The following NUP188 variants were observed in gnomAD, a reference collection of about 807,000 sequenced individuals.
The protein encoded by NUP188 is nucleoporin 188, also known as nucleoporin NUP188.
NUP188 carries 97 observed loss-of-function variants against 223.0 expected under a neutral mutation model. The observed-to-expected ratio is 0.43, with a 90% CI of 0.37 to 0.51. The LOEUF (loss-of-function observed/expected upper bound fraction) is 0.51. NUP188 is among the 20% of genes least tolerant of loss of function. NUP188 has a pLI of 0.00. For synonymous variants in NUP188, 869 were observed against 828.0 expected, an observed-to-expected ratio of 1.05 and a Z score of -0.85; for missense variants, 1,947 against 2,175.6, an observed-to-expected ratio of 0.89 and a Z score of 2.09.
chr9:128,999,859 T>G (rs758840939), intron 34 of NUP188, 54 bp downstream of exon 34: 30 of 1,537,316 alleles, frequency 2.0e-5, no homozygotes, highest in Non-Finnish European at 2.6e-5. Context: ...GCCAGCTCTG[T>G]GCCTGACTCT....
intron 3 of NUP188, among the ~76,000 whole-genome samples, chr9:128,953,986 C>T (rs7855915): frequency 0.3 from 45,611 of 151,716 alleles, 8,091 homozygotes; most frequent in Admixed American, 0.39. Flanking sequence ...CCCGCCACCA[C>T]GCCCAGCTAA....
rs1842058761 is a variant in NUP188, at chr9:128,968,264, T to C, written c.586-242T>C. Among the ~76,000 whole-genome samples the C allele has an allele frequency of 2.0e-5, 3 of 150,878 alleles. No homozygotes were observed. The South Asian group carries it at 6.2e-4, about 31-fold the overall frequency. On this transcript the variant is annotated intron_variant, in intron 8 of 43. Transcript: ENST00000372577. Reference sequence around the variant, plus strand: ...TGTCTCTTAAAAAAAAAGCAAAAAATCTGTCTCTTAAAAAAAAAAATTAAA... The same window carrying C: ...TGTCTCTTAAAAAAAAAGCAAAAAACCTGTCTCTTAAAAAAAAAAATTAAA...
intron 3 of NUP188, among the ~76,000 whole-genome samples, chr9:128,953,270 A>G (rs1224468567): frequency 2.6e-5 from 4 of 152,194 alleles, no homozygotes; most frequent in African/African-American, 9.6e-5. Context: ...AATCCCCACA[A>G]CACCCCTTTG....
chr9:128,983,113 C>T, intron 17 of NUP188, 85 bp downstream of exon 17: 2 of 1,559,728 alleles, frequency 1.3e-6, no homozygotes, highest in Non-Finnish European at 1.8e-6. Flanking sequence ...GGACACATAC[C>T]CACTGGGTTA....
Position 128,970,880 on chromosome 9 carries a change from A to G in NUP188, c.1035A>G (p.Ile345Met). ...PEETSSVVRK[I>M]GGTAIQLNVF... ...AGACAAGCAGTGTGGTCCGGAAGAT[A>G]GGTGGCACAGCCATCCAGCTGAATG... Residue 345 changes from isoleucine to methionine, a missense_variant, in exon 11 of 44, where the codon ATA becomes ATG. By Grantham distance (10) the Ile-to-Met change is conservative. This residue lies in a region of NUP188 where 817 missense variants were observed against 865.8 expected (regional missense o/e 0.94). Coordinates refer to ENST00000372577, the MANE Select transcript of NUP188 (RefSeq NM_015354.3). 6.2e-7 allele frequency: 1 copy of G among 1,614,170 alleles called. No homozygotes were observed. The highest frequency in any genetic ancestry group is 8.5e-7 in the Non-Finnish European group (1 of 1,180,032).
At chr9:128,980,423 C>G (rs1842238637) in intron 13 of NUP188, among the ~76,000 whole-genome samples, 183 bp from the exon 14 acceptor site, 1 of 152,080 alleles carries the variant, frequency 6.6e-6, no homozygotes, top group African/African-American at 2.4e-5. Context: ...AGGTCCCTCA[C>G]TAAATCAATT....
Position 128,983,457 on chromosome 9 carries a change from T to G in NUP188, c.1885-17T>G. On this transcript the variant is annotated splice_polypyrimidine_tract_variant and intron_variant, in intron 18 of 43. Transcript: ENST00000372577. Reference sequence around the variant, plus strand: ...CTGAAGATATGTGGGCATTTAACTCTTCCTTTTCCTTCTCAGGTCTGGACT... The same window carrying G: ...CTGAAGATATGTGGGCATTTAACTCGTCCTTTTCCTTCTCAGGTCTGGACT... 10 of 1,613,790 alleles carry G rather than the reference T, an allele frequency of 6.2e-6. No homozygotes were observed. Among genetic ancestry groups the G allele is most frequent in the Non-Finnish European group, 8.5e-6 (10 of 1,179,706 alleles).
In NUP188 at chr9:128,988,193, A is replaced by G. The variant is rs1200550360; in HGVS notation, c.2533+7A>G. 4 of 1,613,746 alleles carry G rather than the reference A, an allele frequency of 2.5e-6. No individual in the cohort carries two copies. The highest frequency in any genetic ancestry group is 1.1e-5 in the South Asian group (1 of 91,044). On this transcript the variant is annotated splice_region_variant and intron_variant, in intron 24 of 43. Transcript: ENST00000372577. ...CAGGCTCTCTCACAACATGGTATGTATTTCTCTTCCAGTCACAACATGGTA... is the reference window on the plus strand; with the variant it reads ...CAGGCTCTCTCACAACATGGTATGTGTTTCTCTTCCAGTCACAACATGGTA...
intron 2 of NUP188, among the ~76,000 whole-genome samples, chr9:128,950,527 CT>C (rs200779506): frequency 2.6e-5 from 4 of 151,712 alleles, no homozygotes; most frequent in Admixed American, 6.6e-5. Context: ...GGTATAAACA[CT>C]TTTTTTTTGT....
chr9:128,968,435 A>C, intron 8 of NUP188, 71 bp from the exon 9 acceptor site: 3 of 1,245,720 alleles, frequency 2.4e-6, no homozygotes, highest in Non-Finnish European at 3.5e-6. Flanking sequence ...CTTTCTTTAA[A>C]AAATGTTCTT....
chr9:128,990,602 C>T lies in NUP188; in HGVS notation c.2640+376C>T, dbSNP rs573487044. Among the ~76,000 whole-genome samples the T allele has an allele frequency of 3.8e-4, 57 of 151,178 alleles. 1 individual carries two copies. In the South Asian group the frequency reaches 0.011, roughly 29 times the overall value. ...TTAGGGGGCCGGGCATGGTGGCTCACGCCTGTAATCCCAGCACTTTGGGAG... is the reference window on the plus strand; with the variant it reads ...TTAGGGGGCCGGGCATGGTGGCTCATGCCTGTAATCCCAGCACTTTGGGAG... On this transcript the variant is annotated intron_variant, in intron 25 of 43. Transcript: ENST00000372577.
In NUP188 at chr9:129,001,422, A is replaced by T; in HGVS notation, c.3844-107A>T. 3.3e-6 allele frequency: 3 copies of T among 906,114 alleles called. No homozygotes were observed. In the South Asian group the frequency reaches 4.3e-5, roughly 13 times the overall value. 56.1% of individuals were successfully genotyped at this position (906,114 alleles called of 1,614,324 possible). A position where few individuals can be genotyped will look rare whatever the true frequency, so the allele number is the denominator to read the frequency against. ...CTGTGTTACTCAAGCTCACTTAGCA[A>T]TGTGTGTAACCAAGCAGGTCTTGGG... is the stretch of plus-strand genomic sequence containing the variant. On this transcript the variant is annotated intron_variant, in intron 34 of 43. Transcript: ENST00000372577.
chr9:128,970,425 G>T (rs1842089473), intron 10 of NUP188, among the ~76,000 whole-genome samples: 1 of 152,198 alleles, frequency 6.6e-6, no homozygotes, highest in South Asian at 2.1e-4. Flanking sequence ...GAAAAACATT[G>T]AGATGAGATG....
At chr9:128,970,622 TGAGAA>T (rs1344598240) in intron 10 of NUP188, 131 bp from the exon 11 acceptor site, 1 of 690,466 alleles carries the variant, frequency 1.4e-6, no homozygotes, top group African/African-American at 1.8e-5. Context: ...ACTGGGGGTT[TGAGAA>T]GAGTGAAATA....
rs755417836 is a variant in NUP188, at chr9:128,982,636, C to A, written c.1604C>A (p.Ser535Tyr). ...DRAYLVRWEY[S>Y]YSSWTLFTCE... is the part of the protein sequence containing the mutation. ...GCATACCTGGTACGCTGGGAATACTCCTATAGCAGCTGGACCCTCTTTACC... is the reference window on the plus strand; with the variant it reads ...GCATACCTGGTACGCTGGGAATACTACTATAGCAGCTGGACCCTCTTTACC... Residue 535 changes from serine to tyrosine, a missense_variant, in exon 16 of 44, where the codon TCC becomes TAC. This residue lies in a region of NUP188 where 817 missense variants were observed against 865.8 expected (regional missense o/e 0.94). Transcript: ENST00000372577. 2.5e-6 allele frequency: 4 copies of A among 1,614,086 alleles called. No individual in the cohort carries two copies. The highest frequency in any genetic ancestry group is 3.4e-6 in the Non-Finnish European group (4 of 1,179,996).
intron 38 of NUP188, chr9:129,003,922 A>G: frequency 3.6e-6 from 1 of 281,642 alleles, no homozygotes; most frequent in Non-Finnish European, 6.7e-6. Flanking sequence ...GCAGTGAGCT[A>G]GGATCGAACC....
chr9:128,970,702 G>A lies in NUP188; in HGVS notation c.913-56G>A, dbSNP rs561930719. On this transcript the variant is annotated intron_variant, in intron 10 of 43. Transcript: ENST00000372577. ...ATTGAGCGTGATGAAGAATCTGGTC[G>A]AGGGATATTAACACTTTCTGTTCGG... is the stretch of plus-strand genomic sequence containing the variant. The A allele has an allele frequency of 1.4e-5, 21 of 1,460,314 alleles. No homozygotes were observed. In the African/African-American group the frequency reaches 1.8e-4, roughly 13 times the overall value. The allele number at this position is 1,460,314 out of a possible 1,614,324, so 90.5% of individuals were successfully genotyped here.
intron 25 of NUP188, 23 bp downstream of exon 25, chr9:128,990,249 C>G (rs1358746240): frequency 6.4e-7 from 1 of 1,560,750 alleles, no homozygotes; most frequent in Non-Finnish European, 8.8e-7. Flanking sequence ...TTCATGCACA[C>G]ACACTGTTTA....
At chr9:128,969,633 G>A (rs1160805606) in intron 10 of NUP188, 119 bp downstream of exon 10, 5 of 564,166 alleles carry the variant, frequency 8.9e-6, no homozygotes, top group East Asian at 6.7e-5. Flanking sequence ...GTGATGCAGA[G>A]GTTCTACAAT....
Sources: allele counts gnomAD v4.1 joint callset (sites outside exome capture counted in the v4.1 genomes callset), GRCh38; gene constraint gnomAD v4.1.1; regional missense constraint gnomAD v4.1.1; transcripts MANE v1.5; gene names NCBI Gene and HGNC (gene_info 2026-07-23, HGNC 2026-07-21).